GSG1L: variants seen among roughly 807,000 people sequenced by gnomAD.
The protein encoded by GSG1L is GSG1 like.
Under a neutral mutation model 42.1 loss-of-function variants are expected in GSG1L, and 24 were observed. That is an observed-to-expected ratio of 0.57 (90% CI 0.41 to 0.80). The LOEUF is 0.80. Ranked by LOEUF, GSG1L falls within the 30% of genes least tolerant of loss-of-function variation. The pLI is 0.00. For missense variants in GSG1L, 445 were observed against 472.2 expected, an observed-to-expected ratio of 0.94 and a Z score of 0.53; for synonymous variants, 215 against 203.5, an observed-to-expected ratio of 1.06 and a Z score of -0.48.
chr16:27,857,533 G>A (rs2083594869), intron 3 of GSG1L, among the ~76,000 whole-genome samples: 1 of 151,474 alleles, frequency 6.6e-6, no homozygotes, highest in African/African-American at 2.4e-5. Context: ...CTTGAGGCCA[G>A]GGGTTCAAGA....
At chr16:28,026,640 G>A (rs758619493) in intron 1 of GSG1L, among the ~76,000 whole-genome samples, 2 of 152,168 alleles carry the variant, frequency 1.3e-5, no homozygotes, top group African/African-American at 4.8e-5. Flanking sequence ...CCGTCCCTTC[G>A]CATTCTGGGA....
intron 1 of GSG1L, among the ~76,000 whole-genome samples, chr16:28,003,566 C>T (rs2085603252): frequency 6.6e-6 from 1 of 152,188 alleles, no homozygotes; most frequent in African/African-American, 2.4e-5. Context: ...ATCAGCATGG[C>T]CGGGTAAATC....
chr16:27,914,857 G>T (rs1596610107), intron 2 of GSG1L, among the ~76,000 whole-genome samples: 2 of 152,178 alleles, frequency 1.3e-5, no homozygotes, highest in Admixed American at 1.3e-4. Context: ...TAAATATCTT[G>T]CAGATTGCCC....
intron 1 of GSG1L, among the ~76,000 whole-genome samples, chr16:28,007,487 GT>G (rs1213727982): frequency 4.6e-5 from 4 of 87,888 alleles, no homozygotes; most frequent in African/African-American, 3.0e-4. Context: ...TGGTTGGTTG[GT>G]TGGTTGGTTG....
intron 1 of GSG1L, among the ~76,000 whole-genome samples, chr16:27,968,528 A>G (rs1470795224): frequency 6.6e-6 from 1 of 152,110 alleles, no homozygotes; most frequent in Non-Finnish European, 1.5e-5. Context: ...TGGGATTAGA[A>G]GCGTGATCTA....
At chr16:27,830,166 G>T (rs192561036) in intron 4 of GSG1L, among the ~76,000 whole-genome samples, 1 of 152,316 alleles carries the variant, frequency 6.6e-6, no homozygotes, top group East Asian at 1.9e-4. Flanking sequence ...TTTAGTACCA[G>T]GAGTGGGGTA....
intron 2 of GSG1L, among the ~76,000 whole-genome samples, chr16:27,932,320 T>C (rs756505419): frequency 2.0e-5 from 3 of 152,178 alleles, no homozygotes; most frequent in Non-Finnish European, 4.4e-5. Context: ...CCCTAAGTGT[T>C]GGGATTATAG....
intron 2 of GSG1L, among the ~76,000 whole-genome samples, chr16:27,907,847 T>G (rs561454032): frequency 6.7e-6 from 1 of 148,480 alleles, no homozygotes; most frequent in East Asian, 2.0e-4. Context: ...TTCTTGTGGT[T>G]GCAACAGCCT....
At chr16:27,983,756 G>T (rs1422542067) in intron 1 of GSG1L, among the ~76,000 whole-genome samples, 1 of 152,136 alleles carries the variant, frequency 6.6e-6, no homozygotes, top group African/African-American at 2.4e-5. Context: ...AAATCAAAAT[G>T]GGGGGCAGGG....
In GSG1L at chr16:28,063,363, A is replaced by T; in HGVS notation, c.62T>A (p.Leu21Gln). Residue 21 changes from leucine to glutamine, a missense_variant, in exon 1 of 7, where the codon CTG (leucine) becomes CAG (glutamine). By Grantham distance (113) the Leu-to-Gln change is moderately radical. Coordinates refer to ENST00000447459, the MANE Select transcript of GSG1L (RefSeq NM_001109763.2). This position sits in a 1 kb window ranked among gnomAD's most constrained non-coding sequence, Gnocchi z 5.8. ...LAVALNLLAL[L>Q]FATTAFLTTH... Reference sequence around the variant, plus strand: ...GGTGAGGAAAGCGGTGGTGGCGAACAGCAGCGCCAGCAGGTTCAGGGCCAC... The same window carrying T: ...GGTGAGGAAAGCGGTGGTGGCGAACTGCAGCGCCAGCAGGTTCAGGGCCAC... 7.1e-7 allele frequency: 1 copy of T among 1,401,026 alleles called. No homozygotes were observed. 86.8% of individuals were successfully genotyped at this position (1,401,026 alleles called of 1,614,324 possible).
intron 2 of GSG1L, among the ~76,000 whole-genome samples, chr16:27,895,681 C>A (rs757567025): frequency 1.3e-5 from 2 of 152,048 alleles, no homozygotes; most frequent in South Asian, 4.1e-4. Flanking sequence ...TCTTGTCCAG[C>A]CAGCCCCAAA....
chr16:27,811,285 T>C (rs1001062555), intron 5 of GSG1L, among the ~76,000 whole-genome samples: 2 of 152,248 alleles, frequency 1.3e-5, no homozygotes, highest in Admixed American at 6.5e-5. Context: ...TTCTTATAGC[T>C]GTATATAAAA....
chr16:27,793,310 A>G (rs1045579674), intron 6 of GSG1L, among the ~76,000 whole-genome samples: 4 of 152,216 alleles, frequency 2.6e-5, no homozygotes, highest in Non-Finnish European at 5.9e-5. Context: ...TCTGCTTTTA[A>G]TATTCCTTAA....
intron 2 of GSG1L, among the ~76,000 whole-genome samples, chr16:27,929,818 T>C (rs1278070733): frequency 6.6e-6 from 1 of 152,188 alleles, no homozygotes; most frequent in African/African-American, 2.4e-5. Context: ...CCAACCAGCA[T>C]GGCGTGAGCA....
chr16:27,887,179 C>G (rs1336684268), intron 2 of GSG1L, among the ~76,000 whole-genome samples: 1 of 152,146 alleles, frequency 6.6e-6, no homozygotes, highest in Non-Finnish European at 1.5e-5. Flanking sequence ...TGGTCTCAAA[C>G]TCCTAAGCTC....
At chr16:27,963,306 G>T in intron 1 of GSG1L, 103 bp from the exon 2 acceptor site, 1 of 970,524 alleles carries the variant, frequency 1.0e-6, no homozygotes, top group South Asian at 1.4e-5. Flanking sequence ...CAGTGTCTCT[G>T]ACCCAAGCCC....
chr16:28,039,390 G>C (rs2086079201), intron 1 of GSG1L, among the ~76,000 whole-genome samples: 1 of 152,210 alleles, frequency 6.6e-6, no homozygotes, highest in Non-Finnish European at 1.5e-5. Context: ...CTGGCATCTA[G>C]TTGGTAGGAG....
intron 3 of GSG1L, among the ~76,000 whole-genome samples, chr16:27,856,099 C>T (rs1042020007): frequency 7.9e-5 from 12 of 152,038 alleles, no homozygotes; most frequent in African/African-American, 2.2e-4. Flanking sequence ...CTGTCCTAGG[C>T]GTTAGTGGGT....
intron 1 of GSG1L, among the ~76,000 whole-genome samples, chr16:27,963,835 G>C (rs2085098255): frequency 6.6e-6 from 1 of 152,046 alleles, no homozygotes; most frequent in South Asian, 2.1e-4. Flanking sequence ...GGATTTCTAT[G>C]GGGCATGGCC....
Sources: gnomAD v4.1 joint callset for allele counts (sites outside exome capture counted in the v4.1 genomes callset) on GRCh38, gnomAD v4.1.1 for gene constraint, Gnocchi (gnomAD v3.1) non-coding constraint, MANE v1.5 for transcripts, NCBI Gene and HGNC (gene_info 2026-07-23, HGNC 2026-07-21) for gene names.